Variants in TTLL1 observed in about 807,000 individuals in gnomAD.
The protein encoded by TTLL1 is TTL family tubulin polyglutamylase complex subunit L1.
A neutral mutation model predicts 47.8 loss-of-function variants in TTLL1; 33 were observed. The observed-to-expected ratio is 0.69, with a 90% CI of 0.52 to 0.92. TTLL1 has a LOEUF of 0.92. Ranked by LOEUF, TTLL1 falls within the 40% of genes least tolerant of loss-of-function variation. The probability of loss-of-function intolerance (pLI) is 0.00; values close to 1 mark genes in which losing one functional copy is unlikely to be tolerated. For synonymous variants in TTLL1, 225 were observed against 214.1 expected (o/e 1.05, Z -0.45); for missense variants, 488 against 547.5 (o/e 0.89, Z 1.08).
intron 9 of TTLL1, among the ~76,000 whole-genome samples, chr22:43,048,713 G>A (rs1487668605): frequency 2.6e-5 from 4 of 151,644 alleles, no homozygotes; most frequent in East Asian, 3.9e-4. Flanking sequence ...TGCAGTGGGC[G>A]GATCACTTGA....
chr22:43,066,341 A>G (rs1259038193), intron 5 of TTLL1, among the ~76,000 whole-genome samples: 2 of 151,960 alleles, frequency 1.3e-5, no homozygotes, highest in Non-Finnish European at 2.9e-5. Flanking sequence ...CCCAGGGGAC[A>G]GTGCAAGCAG....
chr22:43,042,597 T>C (rs1283484433), intron 10 of TTLL1, among the ~76,000 whole-genome samples: 1 of 152,208 alleles, frequency 6.6e-6, no homozygotes, highest in Non-Finnish European at 1.5e-5. Flanking sequence ...ATGCGGCCAG[T>C]GTCCTCTGCT....
intron 3 of TTLL1, among the ~76,000 whole-genome samples, 178 bp downstream of exon 3, chr22:43,075,296 T>C (rs1227421311): frequency 6.6e-6 from 1 of 151,416 alleles, no homozygotes; most frequent in Non-Finnish European, 1.5e-5. Context: ...AACACAGTGA[T>C]GTGGGAACAC....
At chr22:43,084,668 A>AT in intron 1 of TTLL1, among the ~76,000 whole-genome samples, 1 of 151,686 alleles carries the variant, frequency 6.6e-6, no homozygotes, top group East Asian at 2.0e-4. Flanking sequence ...CGCCCGGATA[A>AT]TTTTTTGTAT....
intron 9 of TTLL1, among the ~76,000 whole-genome samples, chr22:43,050,648 C>G (rs574563364): frequency 6.6e-6 from 1 of 151,722 alleles, no homozygotes; most frequent in Non-Finnish European, 1.5e-5. Flanking sequence ...TCGGCCTCCC[C>G]GGTAGCTGGG....
In TTLL1 at chr22:43,046,531, G is replaced by T. The variant is rs61738402; in HGVS notation, c.1021C>A (p.Arg341=). The T allele has an allele frequency of 1.9e-6, 3 of 1,614,002 alleles. No homozygotes were observed. The South Asian group carries it at 3.3e-5, about 18-fold the overall frequency. Residue 341 remains arginine, a synonymous_variant, in exon 10 of 11, where the codon CGA becomes AGA. Transcript: ENST00000266254. The part of the protein sequence containing the change: ...PSLTSSTAND[R]ILKYNLINDT... ...TTAATCAGGTTGTACTTGAGGATTC[G>T]GTCATTGGCAGTGCTGGACGTGAGA...
chr22:43,059,281 G>A (rs1378106656), intron 8 of TTLL1, 103 bp downstream of exon 8: 23 of 1,479,364 alleles, frequency 1.6e-5, no homozygotes, highest in South Asian at 9.2e-5. Context: ...GGCGTGAGCC[G>A]CCGCGCACAG....
chr22:43,059,667 G>A, intron 7 of TTLL1, 140 bp from the exon 8 acceptor site: 3 of 1,065,844 alleles, frequency 2.8e-6, no homozygotes, highest in Non-Finnish European at 3.9e-6. Flanking sequence ...CCAGACCCCT[G>A]CCCCAGGGAG....
rs12160764 is a variant in TTLL1, at chr22:43,085,863, C to A, written c.-90+3414G>T. Among the ~76,000 whole-genome samples, 1,137 of 152,322 alleles carry A rather than the reference C, an allele frequency of 7.5e-3. 14 individuals carry two copies. Among genetic ancestry groups the A allele is most frequent in the African/African-American group, 0.024 (988 of 41,574 alleles). ...ATGTGCCTCCCACATTAGATAGCAA[C>A]CTCCTGCGGGGCAGCAGAGTGGGCT... On this transcript the variant is annotated intron_variant, in intron 1 of 10. Transcript: ENST00000266254.
At chr22:43,042,821 A>G (rs765589437) in intron 10 of TTLL1, among the ~76,000 whole-genome samples, 2 of 152,112 alleles carry the variant, frequency 1.3e-5, no homozygotes, top group Admixed American at 6.6e-5. Flanking sequence ...TCAGCTCCAC[A>G]CAAGAGCCTT....
chr22:43,079,215 G>A (rs1440696225), intron 2 of TTLL1, among the ~76,000 whole-genome samples: 2 of 95,560 alleles, frequency 2.1e-5, no homozygotes, highest in South Asian at 7.0e-4. Context: ...ACCCCAGAGC[G>A]TGAGCCCATC....
chr22:43,046,401 C>T lies in TTLL1; in HGVS notation c.1142+9G>A. 2 of 1,613,986 alleles carry T rather than the reference C, an allele frequency of 1.2e-6. No homozygotes were observed. Among genetic ancestry groups the T allele is most frequent in the Non-Finnish European group, 1.7e-6 (2 of 1,179,918 alleles). On this transcript the variant is annotated intron_variant, in intron 10 of 10. Transcript: ENST00000266254. ...AGAAGGACAAGCGCACAGTCACACA[C>T]ACACTTACAGAATCTCGTAATTGCC...
At chr22:43,063,393 CTT>C (rs953067028) in intron 7 of TTLL1, among the ~76,000 whole-genome samples, 1 of 151,964 alleles carries the variant, frequency 6.6e-6, no homozygotes, top group African/African-American at 2.4e-5. Flanking sequence ...CCAGGATACT[CTT>C]TGAGTATCAC....
chr22:43,041,143 G>A (rs1252141024), intron 10 of TTLL1: 1 of 152,248 alleles, frequency 6.6e-6, no homozygotes, highest in African/African-American at 2.4e-5. Flanking sequence ...CCCACAGCTG[G>A]CCTGTGGCAC....
chr22:43,063,994 AAGAGCTGCTTTTGTGTGT>A (rs369583380), intron 6 of TTLL1, 73 bp from the exon 7 acceptor site: 27,596 of 1,545,060 alleles, frequency 0.018, 286 homozygotes, highest in Non-Finnish European at 0.021. Context: ...ATTCTCTAAA[AAGAGCTGCTTTTGTGTGT>A]GTGATTTACA....
chr22:43,075,169 T>G (rs1338622792), intron 3 of TTLL1, among the ~76,000 whole-genome samples: 1 of 152,006 alleles, frequency 6.6e-6, no homozygotes, highest in Non-Finnish European at 1.5e-5. Context: ...TGTCCTGTCC[T>G]CTGGCCCAGC....
At chr22:43,061,680 T>G (rs1601677900) in intron 7 of TTLL1, among the ~76,000 whole-genome samples, 1 of 152,306 alleles carries the variant, frequency 6.6e-6, no homozygotes, top group East Asian at 1.9e-4. Context: ...AAGCCCTGTG[T>G]GTCTGCCCTT....
At chr22:43,052,045 C>T (rs1257976370) in intron 8 of TTLL1, 158 bp from the exon 9 acceptor site, 2 of 658,616 alleles carry the variant, frequency 3.0e-6, no homozygotes, top group Non-Finnish European at 5.5e-6. Flanking sequence ...TCTCCCTCTT[C>T]CTCCCGCAGA....
chr22:43,046,987 T>C (rs900113170), intron 9 of TTLL1, among the ~76,000 whole-genome samples: 5 of 152,118 alleles, frequency 3.3e-5, no homozygotes, highest in African/African-American at 1.2e-4. Flanking sequence ...TATTTAATAT[T>C]GCTACTATCT....
Sources: allele counts gnomAD v4.1 joint callset (sites outside exome capture counted in the v4.1 genomes callset), GRCh38; gene constraint gnomAD v4.1.1; transcripts MANE v1.5; gene names NCBI Gene and HGNC (gene_info 2026-07-23, HGNC 2026-07-21).